CFAP97: variants seen among roughly 807,000 people sequenced by gnomAD.
The protein encoded by CFAP97 is cilia- and flagella-associated protein 97.
In CFAP97, 36 loss-of-function variants were observed where a neutral mutation model predicts 43.1. That is an observed-to-expected ratio of 0.84 (90% CI 0.64 to 1.10). The LOEUF is 1.10. CFAP97 is among the 50% of genes least tolerant of loss of function. The pLI is 0.00. For missense variants in CFAP97, 657 were observed against 620.3 expected, an observed-to-expected ratio of 1.06 and a Z score of -0.63; for synonymous variants, 228 against 225.7, an observed-to-expected ratio of 1.01 and a Z score of -0.09.
intron 3 of CFAP97, 103 bp downstream of exon 3, chr4:185,175,683 A>T: frequency 1.9e-6 from 2 of 1,062,146 alleles, no homozygotes; most frequent in Non-Finnish European, 2.8e-6. Flanking sequence ...GCTTTTATGT[A>T]ATGAAGTTTG....
At chr4:185,198,789 C>CAAAAAAACAAAAAA (rs1736679105) in intron 1 of CFAP97, among the ~76,000 whole-genome samples, 1 of 124,320 alleles carries the variant, frequency 8.0e-6, no homozygotes, top group African/African-American at 2.9e-5. Context: ...AACTCCATCT[C>CAAAAAAACAAAAAA]AAAAAAAAGA....
At chr4:185,199,243 G>A (rs1049549390) in intron 1 of CFAP97, among the ~76,000 whole-genome samples, 2 of 152,158 alleles carry the variant, frequency 1.3e-5, no homozygotes, top group East Asian at 1.9e-4. Flanking sequence ...GTAGTGGCAT[G>A]TACCTGTTAA....
At chr4:185,207,532 A>G (rs1184038738), upstream of CFAP97, among the ~76,000 whole-genome samples, 1 of 152,024 alleles carries the variant, frequency 6.6e-6, no homozygotes, top group Non-Finnish European at 1.5e-5. Context: ...ATCCACTTTT[A>G]AGCATGGAAT....
chr4:185,181,088 ACTTTT>A (rs1735761458), intron 2 of CFAP97, among the ~76,000 whole-genome samples: 1 of 151,892 alleles, frequency 6.6e-6, no homozygotes, highest in South Asian at 2.1e-4. Flanking sequence ...GTCTCTGCAG[ACTTTT>A]GTCTGCAGAC....
At chr4:185,201,090 G>A (rs957853860) in intron 1 of CFAP97, among the ~76,000 whole-genome samples, 4 of 152,124 alleles carry the variant, frequency 2.6e-5, no homozygotes, top group Non-Finnish European at 5.9e-5. Flanking sequence ...TTGGGAGGCC[G>A]AGGTGGGTGG....
At chr4:185,189,977 T>C (rs1292926064) in intron 2 of CFAP97, among the ~76,000 whole-genome samples, 166 bp downstream of exon 2, 1 of 152,246 alleles carries the variant, frequency 6.6e-6, no homozygotes, top group Admixed American at 6.5e-5. Context: ...AACGATATTC[T>C]AGATATTTTT....
At chr4:185,205,741 A>G (rs1737158170), upstream of CFAP97, among the ~76,000 whole-genome samples, 1 of 152,218 alleles carries the variant, frequency 6.6e-6, no homozygotes, top group African/African-American at 2.4e-5. Flanking sequence ...ACGCAGAAGA[A>G]TCGCTTGAAC....
At chr4:185,191,807 C>T (rs1292252989) in intron 1 of CFAP97, among the ~76,000 whole-genome samples, 7 of 151,860 alleles carry the variant, frequency 4.6e-5, no homozygotes, top group Non-Finnish European at 8.8e-5. Flanking sequence ...TCCAGCCTGG[C>T]GACAGAGCAA....
At chr4:185,177,695 C>T (rs1025244990) in intron 2 of CFAP97, among the ~76,000 whole-genome samples, 2 of 151,670 alleles carry the variant, frequency 1.3e-5, no homozygotes, top group South Asian at 2.1e-4. Flanking sequence ...ATTAGCTGGG[C>T]GTGGTGGCAC....
At chr4:185,208,783 C>T (rs1047541549), upstream of CFAP97, among the ~76,000 whole-genome samples, 5 of 152,106 alleles carry the variant, frequency 3.3e-5, no homozygotes, top group Non-Finnish European at 7.4e-5. Flanking sequence ...CCAATTGATA[C>T]TAAAAGCAAA....
chr4:185,194,405 C>A (rs950598310), intron 1 of CFAP97, among the ~76,000 whole-genome samples: 3 of 152,212 alleles, frequency 2.0e-5, no homozygotes, highest in Non-Finnish European at 4.4e-5. Context: ...AGGAGGATCA[C>A]TTGAATGCAG....
upstream of CFAP97, among the ~76,000 whole-genome samples, chr4:185,205,439 G>A (rs1579282833): frequency 4.9e-5 from 6 of 123,304 alleles, no homozygotes; most frequent in South Asian, 1.5e-3. Context: ...AGGCAACAGA[G>A]TAAGACTGTG....
At position 185,192,733 on chromosome 4, in the gene CFAP97, C is replaced by CTTTTTTTTTTTTT. The variant is rs760026667; in HGVS notation, c.-16-1534_-16-1522dup. Among the ~76,000 whole-genome samples the CTTTTTTTTTTTTT allele has an allele frequency of 3.9e-4, 32 of 81,418 alleles. 4 individuals are homozygous for CTTTTTTTTTTTTT. Among genetic ancestry groups the CTTTTTTTTTTTTT allele is most frequent in the African/African-American group, 1.6e-3 (30 of 18,352 alleles). 53.4% of individuals were successfully genotyped at this position (81,418 alleles called of 152,430 possible). A position where few individuals can be genotyped will look rare whatever the true frequency, so the allele number is the denominator to read the frequency against. ...CCTTCTTAAGATCAGAATTGACCTTCTTTTTTTTTTTTTTTTTTTTTTTTT... is the reference window on the plus strand; with the variant it reads ...CCTTCTTAAGATCAGAATTGACCTTCTTTTTTTTTTTTTTTTTTTTTTTTTTTTTTTTTTTTTT... On this transcript the variant is annotated intron_variant, in intron 1 of 4. Coordinates refer to ENST00000458385, the MANE Select transcript of CFAP97 (RefSeq NM_020827.3).
At chr4:185,187,748 T>C (rs1736064276) in intron 2 of CFAP97, among the ~76,000 whole-genome samples, 1 of 151,222 alleles carries the variant, frequency 6.6e-6, no homozygotes, top group Non-Finnish European at 1.5e-5. Flanking sequence ...CTCAACAGCA[T>C]ACTAGACCAA....
chr4:185,194,742 A>G (rs560719058), intron 1 of CFAP97, among the ~76,000 whole-genome samples: 91 of 152,354 alleles, frequency 6.0e-4, no homozygotes, highest in Non-Finnish European at 9.1e-4. Context: ...TACAGAATAC[A>G]AAACTTTTCT....
upstream of CFAP97, among the ~76,000 whole-genome samples, chr4:185,207,307 C>T (rs987135843): frequency 1.4e-5 from 2 of 147,338 alleles, no homozygotes; most frequent in African/African-American, 5.0e-5. Flanking sequence ...AGCTCTGCCT[C>T]CCAGGTTCAC....
intron 1 of CFAP97, among the ~76,000 whole-genome samples, chr4:185,193,819 C>T (rs1345362024): frequency 6.6e-6 from 1 of 151,954 alleles, no homozygotes; most frequent in East Asian, 1.9e-4. Context: ...ACCCAGGAGA[C>T]AGAGGCTGCA....
chr4:185,163,688 T>C (rs1734957856), intron 4 of CFAP97, among the ~76,000 whole-genome samples: 1 of 152,140 alleles, frequency 6.6e-6, no homozygotes, highest in Non-Finnish European at 1.5e-5. Flanking sequence ...TAGCAATGAT[T>C]CTTAACTACC....
intron 2 of CFAP97, among the ~76,000 whole-genome samples, chr4:185,177,749 C>T (rs751385228): frequency 6.6e-5 from 10 of 151,262 alleles, no homozygotes; most frequent in South Asian, 2.1e-4. Flanking sequence ...GCAGGAGAAT[C>T]GCTTGAACCC....
Sources: gnomAD v4.1 joint callset for allele counts (sites outside exome capture counted in the v4.1 genomes callset) on GRCh38, gnomAD v4.1.1 for gene constraint, MANE v1.5 for transcripts, NCBI Gene and HGNC (gene_info 2026-07-23, HGNC 2026-07-21) for gene names.